The following NAV3 variants were observed in gnomAD, a reference collection of about 807,000 sequenced individuals.
NAV3 encodes pore membrane and/or filament interacting like protein 1.
In NAV3, 87 loss-of-function variants were observed where a neutral mutation model predicts 244.7. The ratio of observed to expected loss-of-function variants is 0.36; its 90% confidence interval spans 0.30 to 0.42. The LOEUF (loss-of-function observed/expected upper bound fraction) is 0.42, where lower values mean the gene tolerates loss of function less well. Ranked by LOEUF, NAV3 falls within the 20% of genes least tolerant of loss-of-function variation. The probability of loss-of-function intolerance (pLI) is 1.00; values close to 1 mark genes in which losing one functional copy is unlikely to be tolerated. For missense variants in NAV3, 2,663 were observed against 2,893.3 expected (o/e 0.92, Z 1.83); for synonymous variants, 1,126 against 1,042.2 (o/e 1.08, Z -1.55).
At chr12:77,694,527 T>C (rs774391545) in intron 2 of NAV3, among the ~76,000 whole-genome samples, 15 of 151,470 alleles carry the variant, frequency 9.9e-5, no homozygotes, top group Non-Finnish European at 1.9e-4. Context: ...TAACATTTAA[T>C]GCACACAAAC....
intron 29 of NAV3, among the ~76,000 whole-genome samples, chr12:78,180,638 G>A (rs1031735586): frequency 2.6e-5 from 4 of 151,964 alleles, no homozygotes; most frequent in South Asian, 2.1e-4. Context: ...TAAGCATGTC[G>A]AATGGTTGGA....
intron 2 of NAV3, among the ~76,000 whole-genome samples, chr12:77,682,574 T>C (rs1874521925): frequency 6.6e-6 from 1 of 152,180 alleles, no homozygotes; most frequent in Non-Finnish European, 1.5e-5. Context: ...TTGAGGAACC[T>C]ATATACTGTT....
chr12:77,737,937 A>G (rs1349582365), intron 2 of NAV3, among the ~76,000 whole-genome samples: 2 of 152,120 alleles, frequency 1.3e-5, no homozygotes, highest in Non-Finnish European at 2.9e-5. Context: ...TTTTTCAATC[A>G]TGCAGCATTT....
intron 20 of NAV3, among the ~76,000 whole-genome samples, chr12:78,141,878 T>C (rs181338652): frequency 2.6e-3 from 390 of 152,292 alleles, no homozygotes; most frequent in African/African-American, 9.0e-3. Context: ...TTTACATCTA[T>C]GTGTAACATC....
chr12:77,642,366 C>T (rs1872452327), intron 2 of NAV3, among the ~76,000 whole-genome samples: 1 of 151,958 alleles, frequency 6.6e-6, no homozygotes, highest in African/African-American at 2.4e-5. Flanking sequence ...TTTGTAGACT[C>T]CTTCAATCAG....
At chr12:78,024,866 T>A (rs1281199095) in intron 9 of NAV3, among the ~76,000 whole-genome samples, 4 of 151,568 alleles carry the variant, frequency 2.6e-5, no homozygotes, top group African/African-American at 7.3e-5. Context: ...TCCCAGCTAC[T>A]CGGGAGGCTG....
intron 9 of NAV3, among the ~76,000 whole-genome samples, chr12:78,043,480 G>C (rs1593368360): frequency 6.6e-6 from 1 of 151,986 alleles, no homozygotes; most frequent in South Asian, 2.1e-4. Flanking sequence ...TGGTATTTCT[G>C]GTTCTAGATC....
chr12:77,629,824 C>T (rs1265546420), intron 2 of NAV3, among the ~76,000 whole-genome samples: 4 of 152,156 alleles, frequency 2.6e-5, no homozygotes, highest in Non-Finnish European at 5.9e-5. Context: ...AGAGTGCCTA[C>T]CACGTTGAAA....
intron 1 of NAV3, among the ~76,000 whole-genome samples, chr12:77,847,683 T>C (rs573341140): frequency 3.9e-4 from 60 of 152,360 alleles, no homozygotes; most frequent in Middle Eastern, 3.4e-3. Flanking sequence ...TTTCTTTCTC[T>C]TCTGTAGCCT....
At chr12:77,861,795 T>C (rs1478288339) in intron 1 of NAV3, among the ~76,000 whole-genome samples, 3 of 151,846 alleles carry the variant, frequency 2.0e-5, no homozygotes, top group Admixed American at 1.3e-4. Context: ...TTTACTATTC[T>C]ATATTTTATC....
At chr12:78,060,638 T>G (rs1884189422) in intron 12 of NAV3, among the ~76,000 whole-genome samples, 1 of 152,256 alleles carries the variant, frequency 6.6e-6, no homozygotes, top group South Asian at 2.1e-4. Context: ...TCACATAGGC[T>G]GGCAATCGCA....
intron 2 of NAV3, among the ~76,000 whole-genome samples, chr12:77,758,262 C>A (rs1869284817): frequency 6.6e-6 from 1 of 152,042 alleles, no homozygotes; most frequent in African/African-American, 2.4e-5. Flanking sequence ...ACCTGACACG[C>A]ATATTTGTTG....
At chr12:77,969,359 C>G (rs1038453259) in intron 5 of NAV3, among the ~76,000 whole-genome samples, 2 of 151,860 alleles carry the variant, frequency 1.3e-5, no homozygotes, top group Non-Finnish European at 2.9e-5. Context: ...AGGAGTCAAG[C>G]AAGTAAATGA....
intron 1 of NAV3, among the ~76,000 whole-genome samples, chr12:77,921,995 CTG>C (rs1168492840): frequency 2.6e-5 from 4 of 152,128 alleles, no homozygotes; most frequent in African/African-American, 9.7e-5. Context: ...GCAGAGAATG[CTG>C]TATAGGGTAA....
chr12:77,795,524 A>C (rs1465899456), intron 2 of NAV3, among the ~76,000 whole-genome samples: 2 of 152,082 alleles, frequency 1.3e-5, no homozygotes, highest in East Asian at 1.9e-4. Flanking sequence ...CAGTAAATGA[A>C]ATTTACTGTA....
chr12:77,865,807 G>GTT (rs1379554292), intron 1 of NAV3, among the ~76,000 whole-genome samples: 1 of 151,430 alleles, frequency 6.6e-6, no homozygotes, highest in African/African-American at 2.4e-5. Context: ...GCGTGTGTGT[G>GTT]TGTGTGTGGT....
At chr12:78,102,568 A>T (rs115334026) in intron 12 of NAV3, among the ~76,000 whole-genome samples, 1,936 of 152,308 alleles carry the variant, frequency 0.013, 42 homozygotes, top group African/African-American at 0.044. Flanking sequence ...GCCGTGCTCC[A>T]GTAGAGACTC....
chr12:78,197,191 C>A, intron 34 of NAV3, 56 bp from the exon 35 acceptor site: 1 of 1,334,972 alleles, frequency 7.5e-7, no homozygotes, highest in Non-Finnish European at 9.9e-7. Flanking sequence ...ATATTAACTG[C>A]TTCCTATTAG....
At chr12:77,622,518 G>A (rs772180513) in intron 2 of NAV3, among the ~76,000 whole-genome samples, 14 of 147,238 alleles carry the variant, frequency 9.5e-5, no homozygotes, top group South Asian at 2.2e-4. Flanking sequence ...GCTCTGCAGC[G>A]TGTTCATCCA....
Sources: gnomAD v4.1 joint callset for allele counts (sites outside exome capture counted in the v4.1 genomes callset) on GRCh38, gnomAD v4.1.1 for gene constraint, MANE v1.5 for transcripts, NCBI Gene and HGNC (gene_info 2026-07-23, HGNC 2026-07-21) for gene names.